The following WNT5A variants were observed in gnomAD, a reference collection of about 807,000 sequenced individuals.
WNT5A encodes protein Wnt-5a.
A neutral mutation model predicts 42.1 loss-of-function variants in WNT5A; 9 were observed. That is an observed-to-expected ratio of 0.21 (90% CI 0.13 to 0.37). The LOEUF (loss-of-function observed/expected upper bound fraction) is 0.37, where lower values mean the gene tolerates loss of function less well. Ranked by LOEUF, WNT5A falls within the 10% of genes least tolerant of loss-of-function variation. The probability of loss-of-function intolerance (pLI) is 1.00; values close to 1 mark genes in which losing one functional copy is unlikely to be tolerated. For missense variants in WNT5A, 426 were observed against 534.0 expected (o/e 0.80, Z 1.99); for synonymous variants, 210 against 210.0 (o/e 1.00, Z 0.00).
chr3:55,486,810 C>T (rs1259995648), intron 1 of WNT5A, among the ~76,000 whole-genome samples, 170 bp downstream of exon 1: 2 of 152,244 alleles, frequency 1.3e-5, no homozygotes, highest in East Asian at 3.9e-4. Flanking sequence ...GCAGTGCGCC[C>T]GGCGTGGAGG....
the WNT5A span, among the ~76,000 whole-genome samples, chr3:55,503,831 C>A: frequency 6.6e-6 from 1 of 152,122 alleles, no homozygotes; most frequent in Admixed American, 6.5e-5. Context: ...TACCAATAGT[C>A]CCAGCTACCC....
intron 1 of WNT5A, among the ~76,000 whole-genome samples, chr3:55,484,180 C>T (rs2051526735): frequency 6.6e-6 from 1 of 152,188 alleles, no homozygotes; most frequent in Admixed American, 6.5e-5. Flanking sequence ...CAAAAAGAAT[C>T]TCCACTCTTG....
upstream of WNT5A, chr3:55,490,575 G>T (rs2107032623): frequency 6.6e-6 from 1 of 152,426 alleles, no homozygotes; most frequent in South Asian, 2.1e-4. Context: ...AGAATGAAAT[G>T]AGATGAGCTT....
At chr3:55,502,673 G>C in the WNT5A span, among the ~76,000 whole-genome samples, 1 of 152,200 alleles carries the variant, frequency 6.6e-6, no homozygotes, top group Non-Finnish European at 1.5e-5. Flanking sequence ...ATGTTGAACA[G>C]CATGGCAAAG....
chr3:55,466,145 C>T lies in WNT5A; in HGVS notation c.*3947G>A, dbSNP rs1334362887. On this transcript the variant is annotated 3_prime_UTR_variant, in exon 5 of 5. Coordinates refer to ENST00000264634, the MANE Select transcript of WNT5A (RefSeq NM_003392.7). Reference sequence around the variant, plus strand: ...TCAAAACACGGCATCTCTCTTTCACCATTCCACAGAGAGAGAAAAGACTAG... The same window carrying T: ...TCAAAACACGGCATCTCTCTTTCACTATTCCACAGAGAGAGAAAAGACTAG... The T allele has an allele frequency of 6.6e-6, 1 of 152,038 alleles. No individual in the cohort carries two copies. Among genetic ancestry groups the T allele is most frequent in the African/African-American group, 2.4e-5 (1 of 41,394 alleles). The allele number at this position is 152,038 out of a possible 1,614,324, so 9.4% of individuals were successfully genotyped here. A position where few individuals can be genotyped will look rare whatever the true frequency, so the allele number is the denominator to read the frequency against.
At chr3:55,504,463 G>A in the WNT5A span, among the ~76,000 whole-genome samples, 2 of 145,588 alleles carry the variant, frequency 1.4e-5, no homozygotes, top group Non-Finnish European at 3.0e-5. Flanking sequence ...ATTTTTTAGG[G>A]TAAACCCCTT....
chr3:55,494,389 G>A, upstream of WNT5A, among the ~76,000 whole-genome samples: 1 of 152,216 alleles, frequency 6.6e-6, no homozygotes, highest in South Asian at 2.1e-4. Context: ...AAAGTGGAGT[G>A]TTTTCAAAGT....
chr3:55,494,337 A>C (rs1461330421), upstream of WNT5A, among the ~76,000 whole-genome samples: 1 of 152,184 alleles, frequency 6.6e-6, no homozygotes, highest in African/African-American at 2.4e-5. Flanking sequence ...GCAGGTTTTT[A>C]AACTGCTCAG....
intron 4 of WNT5A, among the ~76,000 whole-genome samples, chr3:55,473,465 G>GAA (rs571506485): frequency 6.6e-6 from 1 of 151,828 alleles, no homozygotes; most frequent in Non-Finnish European, 1.5e-5. Context: ...TTAACCGCAG[G>GAA]AAAAAAAGGG....
At position 55,487,202 on chromosome 3, in the gene WNT5A, G is replaced by A; in HGVS notation, c.-217C>T. ...TTGGGGCAGAGCTGGGATGCGCCCAGGAATGGAGGGGGCGCGGACGCGCGC... is the reference window on the plus strand; with the variant it reads ...TTGGGGCAGAGCTGGGATGCGCCCAAGAATGGAGGGGGCGCGGACGCGCGC... On this transcript the variant is annotated 5_prime_UTR_variant, in exon 1 of 5. Transcript: ENST00000264634. 1 of 522,278 alleles carries A rather than the reference G, an allele frequency of 1.9e-6. No homozygotes were observed. The highest frequency in any genetic ancestry group is 3.3e-6 in the Non-Finnish European group (1 of 300,124). The allele number at this position is 522,278 out of a possible 1,614,324, so 32.4% of individuals were successfully genotyped here.
intron 4 of WNT5A, 119 bp from the exon 5 acceptor site, chr3:55,470,669 CTGTATTATATT>C (rs2051233535): frequency 1.0e-6 from 1 of 959,046 alleles, no homozygotes; most frequent in East Asian, 2.7e-5. Flanking sequence ...GAATTAAGGA[CTGTATTATATT>C]TCCTTCATTA....
At chr3:55,475,448 C>T (rs1181939747) in intron 3 of WNT5A, among the ~76,000 whole-genome samples, 1 of 152,186 alleles carries the variant, frequency 6.6e-6, no homozygotes, top group African/African-American at 2.4e-5. Flanking sequence ...GAAAGTATTT[C>T]TCAGGACAAG....
chr3:55,491,142 G>A (rs533614514), upstream of WNT5A, among the ~76,000 whole-genome samples: 3 of 152,304 alleles, frequency 2.0e-5, no homozygotes, highest in South Asian at 6.2e-4. Context: ...ACGGTGTTAA[G>A]GAGAACCAAC....
Position 55,467,364 on chromosome 3 carries a change from CTTTTTT to C in WNT5A, c.*2722_*2727del, listed in dbSNP as rs34280613. On this transcript the variant is annotated 3_prime_UTR_variant, in exon 5 of 5. Coordinates refer to ENST00000264634, the MANE Select transcript of WNT5A (RefSeq NM_003392.7). The stretch of plus-strand genomic sequence containing the variant: ...CAGCTTTAAGCCATCTGCTTGATTT[CTTTTTT>C]TTTTTTTTTTGTAAGGAACATATAT... 1 of 134,488 alleles carries C rather than the reference CTTTTTT, an allele frequency of 7.4e-6. No homozygotes were observed. Among genetic ancestry groups the C allele is most frequent in the African/African-American group, 2.7e-5 (1 of 36,658 alleles). 8.3% of individuals were successfully genotyped at this position (134,488 alleles called of 1,614,324 possible). A position where few individuals can be genotyped will look rare whatever the true frequency, so the allele number is the denominator to read the frequency against.
Position 55,487,156 on chromosome 3 carries a change from G to T in WNT5A, c.-171C>A. The stretch of plus-strand genomic sequence containing the variant: ...AACCGGAGCTGAAGCGGGCACTGGC[G>T]CCCGGGCCTGGACTCCCGAGTTGGG... On this transcript the variant is annotated 5_prime_UTR_variant, in exon 1 of 5. Coordinates refer to ENST00000264634, the MANE Select transcript of WNT5A (RefSeq NM_003392.7). The T allele has an allele frequency of 1.7e-6, 1 of 605,152 alleles. No homozygotes were observed. The highest frequency in any genetic ancestry group is 2.8e-5 in the East Asian group (1 of 35,346). The allele number at this position is 605,152 out of a possible 1,614,324, so 37.5% of individuals were successfully genotyped here. A position where few individuals can be genotyped will look rare whatever the true frequency, so the allele number is the denominator to read the frequency against.
chr3:55,471,773 G>C (rs1194586033), intron 4 of WNT5A, among the ~76,000 whole-genome samples: 1 of 152,206 alleles, frequency 6.6e-6, no homozygotes, highest in East Asian at 1.9e-4. Context: ...ACAGTTCCTT[G>C]TGCCAGTGAC....
chr3:55,474,492 A>G lies in WNT5A; in HGVS notation c.529T>C (p.Trp177Arg). Residue 177 changes from tryptophan (W) to arginine (R), a missense_variant, in exon 4 of 5, where the codon TGG becomes CGG. Trp to Arg is a moderately radical substitution (Grantham distance 101, BLOSUM62 -3). This residue lies in a region of WNT5A where 358 missense variants were observed against 468.1 expected (regional missense o/e 0.76). Transcript: ENST00000264634. ...TTGTCGCCGCAGCCGCCCCAGAGCC[A>G]GTCCCGCGGCAGGTCCTTGGGGCGC... ...AARPKDLPRDWLWGGCGDNID... is the reference protein window; with the variant it reads ...AARPKDLPRDRLWGGCGDNID... 2.5e-6 allele frequency: 4 copies of G among 1,595,508 alleles called. No homozygotes were observed. The highest frequency in any genetic ancestry group is 3.4e-6 in the Non-Finnish European group (4 of 1,172,590).
chr3:55,478,714 A>C (rs1022814687), intron 3 of WNT5A, among the ~76,000 whole-genome samples: 1 of 152,158 alleles, frequency 6.6e-6, no homozygotes, highest in Admixed American at 6.5e-5. Context: ...CATCCCAAGC[A>C]TGTGCTTTTA....
chr3:55,475,826 G>A (rs1310554703), intron 3 of WNT5A, among the ~76,000 whole-genome samples: 1 of 152,100 alleles, frequency 6.6e-6, no homozygotes, highest in Non-Finnish European at 1.5e-5. Flanking sequence ...CCTAAACTTC[G>A]CTTGTACATG....
Sources: gnomAD v4.1 joint callset for allele counts (sites outside exome capture counted in the v4.1 genomes callset) on GRCh38, gnomAD v4.1.1 for gene constraint, gnomAD v4.1.1 regional missense constraint, MANE v1.5 for transcripts, NCBI Gene and HGNC (gene_info 2026-07-23, HGNC 2026-07-21) for gene names.